SOX5: variants seen among roughly 807,000 people sequenced by gnomAD.
SOX5 encodes SRY-box transcription factor 5.
A neutral mutation model predicts 92.0 loss-of-function variants in SOX5; 9 were observed. That is an observed-to-expected ratio of 0.10 (90% CI 0.06 to 0.17). SOX5 has a LOEUF of 0.17. Among genes scored for constraint, SOX5 ranks in the 10% least tolerant of loss-of-function variants. SOX5 has a pLI of 1.00. For missense variants in SOX5, 642 were observed against 944.5 expected, an observed-to-expected ratio of 0.68 and a Z score of 4.20; for synonymous variants, 344 against 336.3, an observed-to-expected ratio of 1.02 and a Z score of -0.25.
At chr12:23,689,349 C>T (rs1169376260) in intron 6 of SOX5, among the ~76,000 whole-genome samples, 1 of 152,134 alleles carries the variant, frequency 6.6e-6, no homozygotes, top group Non-Finnish European at 1.5e-5. Flanking sequence ...AATGTGATAG[C>T]TGCCCGCTGC....
At chr12:24,434,046 G>A (rs967314513) in intron 1 of SOX5, among the ~76,000 whole-genome samples, 14 of 152,238 alleles carry the variant, frequency 9.2e-5, no homozygotes, top group Admixed American at 2.6e-4. Flanking sequence ...ACAGTCTCTC[G>A]GAATCAAGAG....
intron 3 of SOX5, among the ~76,000 whole-genome samples, chr12:23,798,617 C>A (rs949164899): frequency 2.3e-4 from 31 of 137,106 alleles, no homozygotes; most frequent in African/African-American, 7.3e-4. Context: ...AAAAAAAAAA[C>A]CAGTTCTCTC....
intron 2 of SOX5, among the ~76,000 whole-genome samples, chr12:23,857,679 A>ACTCT (rs1172378289): frequency 2.0e-5 from 3 of 151,896 alleles, no homozygotes; most frequent in African/African-American, 7.3e-5. Flanking sequence ...ATGGTTAGAT[A>ACTCT]CTCTATACAC....
intron 6 of SOX5, among the ~76,000 whole-genome samples, chr12:23,666,644 T>A (rs985112366): frequency 7.2e-5 from 11 of 152,214 alleles, no homozygotes; most frequent in African/African-American, 2.7e-4. Context: ...CCTCCACTAG[T>A]CTTCCCACAC....
intron 1 of SOX5, among the ~76,000 whole-genome samples, chr12:24,492,447 G>A (rs921123868): frequency 1.3e-5 from 2 of 152,092 alleles, no homozygotes; most frequent in African/African-American, 4.8e-5. Flanking sequence ...GGGAAGTTCA[G>A]TAAAACATGA....
At chr12:24,078,074 A>T (rs1464101637) in intron 4 of SOX5, among the ~76,000 whole-genome samples, 2 of 152,032 alleles carry the variant, frequency 1.3e-5, no homozygotes, top group African/African-American at 4.8e-5. Flanking sequence ...AGATGAAATA[A>T]CTTCCATAAA....
intron 1 of SOX5, among the ~76,000 whole-genome samples, chr12:24,388,998 C>T (rs1490327667): frequency 6.6e-6 from 1 of 151,964 alleles, no homozygotes; most frequent in Non-Finnish European, 1.5e-5. Flanking sequence ...GGTACATGTG[C>T]ACAATGTGCA....
intron 3 of SOX5, among the ~76,000 whole-genome samples, chr12:23,828,328 G>T (rs1416508640): frequency 6.6e-6 from 1 of 152,106 alleles, no homozygotes; most frequent in African/African-American, 2.4e-5. Flanking sequence ...GTGTGTGTAT[G>T]TGTGTGCACA....
chr12:24,220,704 C>A (rs1248806862), intron 3 of SOX5, among the ~76,000 whole-genome samples: 1 of 152,158 alleles, frequency 6.6e-6, no homozygotes, highest in Admixed American at 6.5e-5. Flanking sequence ...CTAATTGCAT[C>A]CCTGCTAGAA....
intron 4 of SOX5, among the ~76,000 whole-genome samples, chr12:24,140,225 G>A (rs1950458418): frequency 6.6e-6 from 1 of 152,104 alleles, no homozygotes; most frequent in South Asian, 2.1e-4. Flanking sequence ...CACCGTCAAA[G>A]ATAGGAAGCT....
In SOX5 at chr12:24,302,914, G is replaced by T. The variant is rs1162999746; in HGVS notation, c.-173-25602C>A. ...AATTGCTGACTTCACATTAGTTATA[G>T]GGGAAAAACAACAACAGTAACAAAA... On this transcript the variant is annotated intron_variant, in intron 2 of 4. Coordinates refer to the SOX5 transcript ENST00000446891. Among the ~76,000 whole-genome samples, 3 of 151,946 alleles carry T rather than the reference G, an allele frequency of 2.0e-5. No individual in the cohort carries two copies. In the East Asian group the frequency reaches 5.8e-4, roughly 29 times the overall value.
chr12:23,830,289 G>T (rs565273902), intron 3 of SOX5, among the ~76,000 whole-genome samples: 1 of 152,020 alleles, frequency 6.6e-6, no homozygotes, highest in South Asian at 2.1e-4. Context: ...TATGAGTGTC[G>T]ATTTCCATAC....
chr12:23,961,658 T>G (rs1946951607), intron 4 of SOX5, among the ~76,000 whole-genome samples: 1 of 152,178 alleles, frequency 6.6e-6, no homozygotes, highest in African/African-American at 2.4e-5. Flanking sequence ...CAGTAGAACA[T>G]AAATTCCCAC....
chr12:24,204,256 A>C, intron 4 of SOX5, among the ~76,000 whole-genome samples: 1 of 151,940 alleles, frequency 6.6e-6, no homozygotes, highest in East Asian at 1.9e-4. Context: ...AATATGTTAC[A>C]ATTATAAACA....
At chr12:24,269,066 A>T (rs1266391506) in intron 3 of SOX5, among the ~76,000 whole-genome samples, 1 of 152,234 alleles carries the variant, frequency 6.6e-6, no homozygotes, top group Non-Finnish European at 1.5e-5. Context: ...TGTATATTGC[A>T]GGGTAATCTT....
At chr12:24,307,514 G>GTACTTC in intron 2 of SOX5, among the ~76,000 whole-genome samples, 1 of 30,100 alleles carries the variant, frequency 3.3e-5, no homozygotes, top group African/African-American at 5.8e-5. Context: ...AGGAAGGAAG[G>GTACTTC]AAGGCCGGCC....
At chr12:24,128,044 T>C (rs992260572) in intron 4 of SOX5, among the ~76,000 whole-genome samples, 14 of 152,222 alleles carry the variant, frequency 9.2e-5, no homozygotes, top group African/African-American at 3.1e-4. Flanking sequence ...GGTGGTATTC[T>C]CCTCCTCCTG....
intron 10 of SOX5, among the ~76,000 whole-genome samples, chr12:23,574,150 C>G (rs913032799): frequency 6.6e-6 from 1 of 151,902 alleles, no homozygotes; most frequent in African/African-American, 2.4e-5. Context: ...CTATTAGTAT[C>G]TAATGCAATA....
chr12:24,493,998 G>A (rs936411145), intron 1 of SOX5, among the ~76,000 whole-genome samples: 7 of 152,220 alleles, frequency 4.6e-5, no homozygotes, highest in African/African-American at 1.4e-4. Context: ...ATGATCGAAT[G>A]TATTGGATGA....
Sources: allele counts gnomAD v4.1 joint callset (sites outside exome capture counted in the v4.1 genomes callset), GRCh38; gene constraint gnomAD v4.1.1; transcripts MANE v1.5; gene names NCBI Gene and HGNC (gene_info 2026-07-23, HGNC 2026-07-21).